Variants in RFX3 observed in about 807,000 individuals in gnomAD.
RFX3 encodes the protein regulatory factor X3.
In RFX3, 14 loss-of-function variants were observed where a neutral mutation model predicts 98.6. The observed-to-expected ratio is 0.14, with a 90% CI of 0.09 to 0.22. The LOEUF (loss-of-function observed/expected upper bound fraction) is 0.22, where lower values mean the gene tolerates loss of function less well. Among genes scored for constraint, RFX3 ranks in the 10% least tolerant of loss-of-function variants. The probability of loss-of-function intolerance (pLI) is 1.00; values close to 1 mark genes in which losing one functional copy is unlikely to be tolerated. For synonymous variants in RFX3, 383 were observed against 328.4 expected, an observed-to-expected ratio of 1.17 and a Z score of -1.80; for missense variants, 639 against 926.9, an observed-to-expected ratio of 0.69 and a Z score of 4.03.
At chr9:3,353,404 G>A (rs1312734013) in intron 2 of RFX3, among the ~76,000 whole-genome samples, 2 of 151,962 alleles carry the variant, frequency 1.3e-5, no homozygotes. Context: ...GCTGAAATGT[G>A]GGAGCAGAGT....
chr9:3,502,149 C>G (rs1816095094), intron 1 of RFX3, among the ~76,000 whole-genome samples: 1 of 150,694 alleles, frequency 6.6e-6, no homozygotes, highest in Admixed American at 6.6e-5. Flanking sequence ...GTCCCAGCTA[C>G]TCGAGAAGCT....
intron 4 of RFX3, among the ~76,000 whole-genome samples, chr9:3,310,488 C>A (rs1829833618): frequency 6.6e-6 from 1 of 152,056 alleles, no homozygotes; most frequent in African/African-American, 2.4e-5. Flanking sequence ...TTGATATATT[C>A]AACTATCACT....
At chr9:3,464,229 G>A (rs1047146676) in intron 1 of RFX3, among the ~76,000 whole-genome samples, 8 of 152,124 alleles carry the variant, frequency 5.3e-5, no homozygotes, top group African/African-American at 1.9e-4. Context: ...CAGTTACTTC[G>A]AAAAGTTAAA....
intron 4 of RFX3, among the ~76,000 whole-genome samples, chr9:3,327,300 G>A (rs118080607): frequency 1.3e-3 from 193 of 152,140 alleles, no homozygotes; most frequent in Middle Eastern, 3.4e-3. Flanking sequence ...TCTTAAATAG[G>A]TTTCACGGCA....
chr9:3,432,644 C>T (rs1437443888), intron 1 of RFX3, among the ~76,000 whole-genome samples: 1 of 152,144 alleles, frequency 6.6e-6, no homozygotes. Context: ...AATCCAAGAA[C>T]AGACACCACA....
In RFX3 at chr9:3,328,319, A is replaced by G. The variant is rs930808467; in HGVS notation, c.474+1940T>C. 5.3e-5 allele frequency among the ~76,000 whole-genome samples: 8 copies of G among 152,258 alleles called. No individual in the cohort carries two copies. In the South Asian group the frequency reaches 1.7e-3, roughly 32 times the overall value. On this transcript the variant is annotated intron_variant, in intron 4 of 16. Coordinates refer to ENST00000617270, the MANE Select transcript of RFX3 (RefSeq NM_001282116.2). ...TTATGTTGAAGCTATAGTTACTTTT[A>G]CATTTAGAATATTTTATAATTCCTT...
At chr9:3,497,862 G>C (rs971356585) in intron 1 of RFX3, among the ~76,000 whole-genome samples, 1 of 151,938 alleles carries the variant, frequency 6.6e-6, no homozygotes, top group South Asian at 2.1e-4. Context: ...ATTTTAATAA[G>C]GAAGTCTTTT....
At chr9:3,455,121 A>T (rs950806382) in intron 1 of RFX3, among the ~76,000 whole-genome samples, 1 of 152,184 alleles carries the variant, frequency 6.6e-6, no homozygotes, top group Non-Finnish European at 1.5e-5. Flanking sequence ...TCCAAATTTA[A>T]ATCAGGTACT....
At chr9:3,342,396 T>C (rs561262206) in intron 3 of RFX3, among the ~76,000 whole-genome samples, 1 of 152,300 alleles carries the variant, frequency 6.6e-6, no homozygotes, top group South Asian at 2.1e-4. Context: ...AGTTATGTAC[T>C]GGAGTTGAGA....
At chr9:3,268,516 T>C (rs747000743) in intron 11 of RFX3, among the ~76,000 whole-genome samples, 5 of 151,764 alleles carry the variant, frequency 3.3e-5, no homozygotes, top group Non-Finnish European at 7.4e-5. Flanking sequence ...AGCTTTACTT[T>C]GCTACACCTC....
chr9:3,465,811 G>A (rs531182796), intron 1 of RFX3, among the ~76,000 whole-genome samples: 1 of 151,936 alleles, frequency 6.6e-6, no homozygotes, highest in Non-Finnish European at 1.5e-5. Flanking sequence ...TATTGCTATG[G>A]TGAAAAAAAG....
chr9:3,386,289 C>T (rs1403277728), intron 2 of RFX3, among the ~76,000 whole-genome samples: 2 of 151,868 alleles, frequency 1.3e-5, no homozygotes, highest in Non-Finnish European at 2.9e-5. Flanking sequence ...ATGAATTCTA[C>T]TACTATTACT....
intron 1 of RFX3, among the ~76,000 whole-genome samples, chr9:3,480,871 A>T (rs966564912): frequency 2.0e-5 from 3 of 152,168 alleles, no homozygotes; most frequent in Admixed American, 2.0e-4. Context: ...TACAAATATA[A>T]GGAAATATTA....
intron 12 of RFX3, among the ~76,000 whole-genome samples, chr9:3,264,504 C>T (rs1163584735): frequency 6.6e-6 from 1 of 152,094 alleles, no homozygotes; most frequent in Non-Finnish European, 1.5e-5. Context: ...GAACCTTATT[C>T]CATTTTTGTG....
chr9:3,245,996 A>G (rs1820609984), intron 15 of RFX3, among the ~76,000 whole-genome samples: 2 of 152,216 alleles, frequency 1.3e-5, no homozygotes, highest in Admixed American at 1.3e-4. Flanking sequence ...TCCCCAAATC[A>G]AGAAATTTTA....
chr9:3,481,383 T>A (rs1212843272), intron 1 of RFX3, among the ~76,000 whole-genome samples: 1 of 152,152 alleles, frequency 6.6e-6, no homozygotes, highest in African/African-American at 2.4e-5. Flanking sequence ...TATTTTTATA[T>A]ACAGCTATTA....
intron 2 of RFX3, among the ~76,000 whole-genome samples, chr9:3,353,814 A>G (rs1835433810): frequency 6.6e-6 from 1 of 152,070 alleles, no homozygotes; most frequent in Admixed American, 6.6e-5. Context: ...ATAAAGAAGC[A>G]GGGAAGTGTG....
chr9:3,349,125 A>C (rs1407857460), intron 2 of RFX3, among the ~76,000 whole-genome samples: 1 of 152,036 alleles, frequency 6.6e-6, no homozygotes, highest in Non-Finnish European at 1.5e-5. Context: ...TTTTTCATTG[A>C]ATTTTAAATA....
At chr9:3,441,407 G>A (rs1158801550) in intron 1 of RFX3, among the ~76,000 whole-genome samples, 2 of 152,036 alleles carry the variant, frequency 1.3e-5, no homozygotes, top group African/African-American at 4.8e-5. Context: ...GACACCCTGT[G>A]GCAACAACCA....
Sources: allele counts gnomAD v4.1 joint callset (sites outside exome capture counted in the v4.1 genomes callset), GRCh38; gene constraint gnomAD v4.1.1; transcripts MANE v1.5; gene names NCBI Gene and HGNC (gene_info 2026-07-23, HGNC 2026-07-21).